Variants in TMEM165 observed in about 807,000 individuals in gnomAD.
The protein encoded by TMEM165 is transmembrane protein 165.
A neutral mutation model predicts 30.0 loss-of-function variants in TMEM165; 19 were observed. That is an observed-to-expected ratio of 0.63 (90% CI 0.44 to 0.93). TMEM165 has a LOEUF of 0.93. Ranked by LOEUF, TMEM165 falls within the 40% of genes least tolerant of loss-of-function variation. TMEM165 has a pLI of 0.00. For missense variants in TMEM165, 340 were observed against 417.0 expected (o/e 0.82, Z 1.61); for synonymous variants, 168 against 162.9 (o/e 1.03, Z -0.24).
intron 3 of TMEM165, among the ~76,000 whole-genome samples, chr4:55,437,807 T>G (rs1047163158): frequency 6.6e-6 from 1 of 152,204 alleles, no homozygotes; most frequent in African/African-American, 2.4e-5. Context: ...ATAGATATAC[T>G]ACACCTCCAT....
In TMEM165 at chr4:55,441,074, T is replaced by C. The variant is rs368817428; in HGVS notation, c.409-11165T>C. Among the ~76,000 whole-genome samples the C allele has an allele frequency of 2.5e-4, 38 of 152,346 alleles. 1 individual carries two copies. In the South Asian group the frequency reaches 6.6e-3, roughly 27 times the overall value. Reference sequence around the variant, plus strand: ...CAAACAATACCGATTTATCTTTCTATTGCTTTTACTAGTTTGGTCTTTCCC... The same window carrying C: ...CAAACAATACCGATTTATCTTTCTACTGCTTTTACTAGTTTGGTCTTTCCC... On this transcript the variant is annotated intron_variant, in intron 3 of 3. Transcript: ENST00000608091.
At chr4:55,438,395 T>G in intron 3 of TMEM165, 1 of 1,613,944 alleles carries the variant, frequency 6.2e-7, no homozygotes, top group Non-Finnish European at 8.5e-7. Flanking sequence ...ACTGACAATG[T>G]CTGTGACTGT....
In TMEM165 at chr4:55,448,543, C is replaced by T. The variant is rs534593796; in HGVS notation, c.409-3696C>T. Reference sequence around the variant, plus strand: ...TGTCCCCAGATATCCTAAATGACCCCAGTTAAGATTCACTGCATCTGTAAC... The same window carrying T: ...TGTCCCCAGATATCCTAAATGACCCTAGTTAAGATTCACTGCATCTGTAAC... On this transcript the variant is annotated intron_variant, in intron 3 of 3. Coordinates refer to the TMEM165 transcript ENST00000608091. Among the ~76,000 whole-genome samples the T allele has an allele frequency of 5.9e-5, 9 of 151,982 alleles. 1 individual carries two copies. The South Asian group carries it at 1.9e-3, about 32-fold the overall frequency.
chr4:55,448,968 C>T, intron 3 of TMEM165: 6 of 940,906 alleles, frequency 6.4e-6, no homozygotes, highest in Non-Finnish European at 1.0e-5. Flanking sequence ...ATAAACTTAC[C>T]ATTTGCCTCA....
Position 55,396,097 on chromosome 4 carries a change from G to A in TMEM165, c.-93G>A. ...CTAAGCGGCGGCGGCGGCGAGTCGT[G>A]AGGACGCGCCGCGGAGGCTGTTCGG... On this transcript the variant is annotated 5_prime_UTR_variant, in exon 1 of 6. Transcript: ENST00000381334. 1 of 1,114,700 alleles carries A rather than the reference G, an allele frequency of 9.0e-7. No individual in the cohort carries two copies. The highest frequency in any genetic ancestry group is 1.2e-6 in the Non-Finnish European group (1 of 867,306). The allele number at this position is 1,114,700 out of a possible 1,614,324, so 69.1% of individuals were successfully genotyped here.
chr4:55,431,802 T>C (rs1418402744), intron 3 of TMEM165: 1 of 152,240 alleles, frequency 6.6e-6, no homozygotes, highest in African/African-American at 2.4e-5. Context: ...TGAAAACATG[T>C]TGAGTAATAT....
intron 4 of TMEM165, among the ~76,000 whole-genome samples, chr4:55,419,724 T>C (rs1415200864): frequency 1.3e-5 from 2 of 152,014 alleles, no homozygotes; most frequent in Non-Finnish European, 2.9e-5. Flanking sequence ...TTTATAAGAG[T>C]AAAATTGTTT....
intron 5 of TMEM165, 71 bp from the exon 6 acceptor site, chr4:55,425,305 C>T (rs1017959404): frequency 7.8e-7 from 1 of 1,279,562 alleles, no homozygotes. Context: ...CTCATCGGCT[C>T]CCTTTTCATT....
intron 1 of TMEM165, among the ~76,000 whole-genome samples, chr4:55,403,866 C>T (rs932024257): frequency 5.9e-5 from 9 of 152,054 alleles, no homozygotes; most frequent in African/African-American, 2.2e-4. Context: ...GTCCACGTTC[C>T]TATTCTCCTC....
intron 4 of TMEM165, among the ~76,000 whole-genome samples, chr4:55,420,106 A>AAAAAAAAT (rs1474254120): frequency 1.1e-4 from 5 of 45,436 alleles, no homozygotes; most frequent in Admixed American, 4.8e-4. Flanking sequence ...AAGAAAAAAA[A>AAAAAAAAT]ATATATATAT....
intron 5 of TMEM165, 49 bp from the exon 6 acceptor site, chr4:55,425,327 C>A: frequency 6.8e-6 from 10 of 1,471,444 alleles, no homozygotes; most frequent in Non-Finnish European, 9.5e-6. Context: ...TGTACAGTAT[C>A]AAGGTATAGG....
chr4:55,439,959 A>G (rs1484570119), intron 3 of TMEM165, among the ~76,000 whole-genome samples: 5 of 152,152 alleles, frequency 3.3e-5, no homozygotes, highest in East Asian at 1.9e-4. Flanking sequence ...AATGAACTGT[A>G]TATTTTAAAA....
chr4:55,444,753 T>C, intron 3 of TMEM165: 1 of 1,614,082 alleles, frequency 6.2e-7, no homozygotes, highest in Non-Finnish European at 8.5e-7. Flanking sequence ...CTTTCAGATG[T>C]TGCATGGCTC....
intron 1 of TMEM165, among the ~76,000 whole-genome samples, chr4:55,402,046 A>C: frequency 7.0e-6 from 1 of 143,154 alleles, no homozygotes; most frequent in Non-Finnish European, 1.5e-5. Flanking sequence ...TGAGCCCGGG[A>C]GGTGGAGGTT....
At position 55,404,177 on chromosome 4, in the gene TMEM165, AT is replaced by A. The variant is rs768783408; in HGVS notation, c.208-7425del. Among the ~76,000 whole-genome samples, 681 of 140,514 alleles carry A rather than the reference AT, an allele frequency of 4.8e-3. 2 individuals are homozygous for A. The highest frequency in any genetic ancestry group is 0.013 in the African/African-American group (492 of 38,408). The allele number at this position is 140,514 out of a possible 152,430, so 92.2% of individuals were successfully genotyped here. On this transcript the variant is annotated intron_variant, in intron 1 of 5. Transcript: ENST00000381334. ...CAGGTGTGCGCCACCACGCCTGGCT[AT>A]TTTTTTTTTTTGTACTTTTAGTAGA... is the stretch of plus-strand genomic sequence containing the variant.
In TMEM165 at chr4:55,442,381, TAATC is replaced by T. The variant is rs370414195; in HGVS notation, c.409-9853_409-9850del. On this transcript the variant is annotated intron_variant, in intron 3 of 3. Coordinates refer to the TMEM165 transcript ENST00000608091. ...ATTAAGAAATCAAATTATTGTTTTC[TAATC>T]AATCGGTTTACAATTTTAAAAATAA... 8.2e-5 allele frequency: 122 copies of T among 1,480,772 alleles called. No individual in the cohort carries two copies. In the African/African-American group the frequency reaches 1.4e-3, roughly 17 times the overall value. 91.7% of individuals were successfully genotyped at this position (1,480,772 alleles called of 1,614,324 possible).
chr4:55,448,600 G>A (rs1276395181), intron 3 of TMEM165, among the ~76,000 whole-genome samples: 1 of 52,062 alleles, frequency 1.9e-5, no homozygotes, highest in Non-Finnish European at 3.6e-5. Context: ...GCGCACGCGC[G>A]CGTGTGTGTG....
intron 1 of TMEM165, among the ~76,000 whole-genome samples, chr4:55,402,793 AGC>A (rs1491194373): frequency 5.1e-5 from 3 of 58,310 alleles, no homozygotes; most frequent in African/African-American, 1.5e-4. Context: ...TTTTAAAAAA[AGC>A]TTTTTTTTTT....
At position 55,425,527 on chromosome 4, in the gene TMEM165, A is replaced by G. The variant is rs1722159967; in HGVS notation, c.*75A>G. ...TCTGTACATAGTGTACATTACAACT[A>G]AAAGTGATGGAAAAATACTGTATTT... is the stretch of plus-strand genomic sequence containing the variant. On this transcript the variant is annotated 3_prime_UTR_variant, in exon 6 of 6. Coordinates refer to ENST00000381334, the MANE Select transcript of TMEM165 (RefSeq NM_018475.5). 1.7e-6 allele frequency: 2 copies of G among 1,169,336 alleles called. No homozygotes were observed. Among genetic ancestry groups the G allele is most frequent in the Admixed American group, 1.9e-5 (1 of 51,586 alleles). 72.4% of individuals were successfully genotyped at this position (1,169,336 alleles called of 1,614,324 possible).
Sources: gnomAD v4.1 joint callset for allele counts (sites outside exome capture counted in the v4.1 genomes callset) on GRCh38, gnomAD v4.1.1 for gene constraint, MANE v1.5 for transcripts, NCBI Gene and HGNC (gene_info 2026-07-23, HGNC 2026-07-21) for gene names.